Variants in ZNF780B observed in about 807,000 individuals in gnomAD.
ZNF780B encodes the protein zinc finger protein 780B.
A neutral mutation model predicts 74.1 loss-of-function variants in ZNF780B; 52 were observed. That is an observed-to-expected ratio of 0.70 (90% CI 0.56 to 0.88). The LOEUF (loss-of-function observed/expected upper bound fraction) is 0.88, where lower values mean the gene tolerates loss of function less well. Ranked by LOEUF, ZNF780B falls within the 40% of genes least tolerant of loss-of-function variation. ZNF780B has a pLI of 0.00. For synonymous variants in ZNF780B, 315 were observed against 324.3 expected, an observed-to-expected ratio of 0.97 and a Z score of 0.31; for missense variants, 953 against 1,007.6, an observed-to-expected ratio of 0.95 and a Z score of 0.73.
At position 40,050,378 on chromosome 19, in the gene ZNF780B, C is replaced by A. The variant is rs978515840; in HGVS notation, c.-45-1G>T. ...GGTCAATCTTCCTCGGGCTTCTCCC[C>A]TGGAAAACAACAACAACAAAAAGGC... On this transcript the variant is annotated splice_acceptor_variant, in intron 1 of 4. Transcript: ENST00000434248. LOFTEE classifies it low-confidence loss of function (5UTR_SPLICE). The A allele has an allele frequency of 6.3e-7, 1 of 1,581,238 alleles. No individual in the cohort carries two copies. Among genetic ancestry groups the A allele is most frequent in the Non-Finnish European group, 8.5e-7 (1 of 1,169,596 alleles).
chr19:40,051,576 A>G (rs1216798849), intron 1 of ZNF780B, among the ~76,000 whole-genome samples: 1 of 152,206 alleles, frequency 6.6e-6, no homozygotes, highest in African/African-American at 2.4e-5. Flanking sequence ...TCCGAATTCA[A>G]AAATAAAAAT....
chr19:40,038,286 T>A (rs1972452792), intron 4 of ZNF780B, among the ~76,000 whole-genome samples: 1 of 152,002 alleles, frequency 6.6e-6, no homozygotes, highest in African/African-American at 2.4e-5. Flanking sequence ...GGTGTATATG[T>A]GCCACATTTT....
chr19:40,054,870 A>G (rs1973413231), intron 1 of ZNF780B, among the ~76,000 whole-genome samples: 1 of 152,240 alleles, frequency 6.6e-6, no homozygotes, highest in Admixed American at 6.5e-5. Flanking sequence ...TCACACAAAT[A>G]GCCCAAAATG....
chr19:40,042,113 A>G (rs942115170), intron 4 of ZNF780B, among the ~76,000 whole-genome samples: 1 of 151,964 alleles, frequency 6.6e-6, no homozygotes, highest in African/African-American at 2.4e-5. Flanking sequence ...TGGTGACAAA[A>G]TCCCTCAACA....
At chr19:40,046,015 G>A (rs1260269762) in intron 4 of ZNF780B, among the ~76,000 whole-genome samples, 2 of 151,986 alleles carry the variant, frequency 1.3e-5, no homozygotes, top group African/African-American at 2.4e-5. Flanking sequence ...AATATCATAT[G>A]TTCTCATTCA....
chr19:40,043,750 T>C (rs1484558781), intron 4 of ZNF780B, among the ~76,000 whole-genome samples: 1 of 152,192 alleles, frequency 6.6e-6, no homozygotes, highest in Non-Finnish European at 1.5e-5. Flanking sequence ...TTTAAGCCCA[T>C]TGGAAAAGCA....
chr19:40,049,456 A>C (rs1443543065), intron 2 of ZNF780B, among the ~76,000 whole-genome samples: 1 of 152,152 alleles, frequency 6.6e-6, no homozygotes, highest in Non-Finnish European at 1.5e-5. Flanking sequence ...GGTTTTCCCA[A>C]ATTCAGAGAA....
At chr19:40,040,601 C>G (rs1272526176) in intron 4 of ZNF780B, among the ~76,000 whole-genome samples, 2 of 152,138 alleles carry the variant, frequency 1.3e-5, no homozygotes, top group Admixed American at 6.6e-5. Context: ...TGTTATTGGT[C>G]TATTCAGAGA....
intron 1 of ZNF780B, among the ~76,000 whole-genome samples, chr19:40,054,453 C>T (rs1973387151): frequency 6.6e-6 from 1 of 152,162 alleles, no homozygotes; most frequent in East Asian, 1.9e-4. Flanking sequence ...TAGATTTAGT[C>T]ATTCCACAAT....
At chr19:40,041,534 G>A (rs969890400) in intron 4 of ZNF780B, among the ~76,000 whole-genome samples, 4 of 152,074 alleles carry the variant, frequency 2.6e-5, no homozygotes, top group Non-Finnish European at 4.4e-5. Context: ...TTATTGTGTG[G>A]CAGTCTAAGT....
chr19:40,045,409 G>A lies in ZNF780B; in HGVS notation c.232+1966C>T, dbSNP rs76715962. ...GTACAATCACTATGGAAAACAGCAT[G>A]CAGATTTCTCAAAAACCTGAAAATA... On this transcript the variant is annotated intron_variant, in intron 4 of 4. Coordinates refer to ENST00000434248, the MANE Select transcript of ZNF780B (RefSeq NM_001005851.3). Among the ~76,000 whole-genome samples the A allele has an allele frequency of 7.8e-3, 1,191 of 152,308 alleles. 6 individuals are homozygous for A. The highest frequency in any genetic ancestry group is 0.012 in the Non-Finnish European group (792 of 68,012).
rs149290763 is a variant in ZNF780B at position 40,035,810 on chromosome 19, C to T, written c.1049G>A (p.Arg350Gln). The change falls in exon 5 of 5, where the codon CGA (arginine) becomes CAA (glutamine). Residue 350 changes from arginine (R) to glutamine (Q), a missense_variant. By Grantham distance (43) the Arg-to-Gln change is conservative. Transcript: ENST00000434248. Reference sequence around the variant, plus strand: ...CTCACCCATATGAATCTTCTGATGTCGAACAAGCTTTGTCAGAAGAGTAAA... The same window carrying T: ...CTCACCCATATGAATCTTCTGATGTTGAACAAGCTTTGTCAGAAGAGTAAA... ...KAFTLLTKLV[R>Q]HQKIHMGEKP... 567 of 1,614,036 alleles carry T rather than the reference C, an allele frequency of 3.5e-4. 12 individuals are homozygous for T. The East Asian group carries it at 0.012, about 34-fold the overall frequency.
At chr19:40,052,960 T>G (rs1973301052) in intron 1 of ZNF780B, among the ~76,000 whole-genome samples, 1 of 152,162 alleles carries the variant, frequency 6.6e-6, no homozygotes. Context: ...AAGATTTAAA[T>G]GTAAGATCCC....
At chr19:40,048,961 T>G in intron 2 of ZNF780B, 165 bp from the exon 3 acceptor site, 1 of 1,132,416 alleles carries the variant, frequency 8.8e-7, no homozygotes, top group Non-Finnish European at 1.2e-6. Context: ...TGGTGGCTCA[T>G]GCCTGTTATA....
chr19:40,047,420 CT>C lies in ZNF780B; in HGVS notation c.186del (p.Glu63SerfsTer6). The part of the protein sequence containing the change: ...PDVITLLEQE[K>X]EPWIVVSKET... The stretch of plus-strand genomic sequence containing the variant: ...TCTTTACTTACAACAATCCAGGGCT[CT>C]TTCTCTTGCTCTAGTAATGTAATCA... On this transcript the variant is annotated frameshift_variant, in exon 4 of 5. Coordinates refer to ENST00000434248, the MANE Select transcript of ZNF780B (RefSeq NM_001005851.3). LOFTEE classifies it high-confidence loss of function. 6.2e-7 allele frequency: 1 copy of C among 1,613,960 alleles called. No homozygotes were observed. The highest frequency in any genetic ancestry group is 8.5e-7 in the Non-Finnish European group (1 of 1,179,914).
rs1972274998 is a variant in ZNF780B at position 40,035,954 on chromosome 19, T to A, written c.905A>T (p.Glu302Val). ...LIQHQKIHSN[E>V]KPFVCRECEM... ...ACATTCCCTACATACAAAGGGTTTCTCATTGGAATGAATTTTTTGATGCTG... is the reference window on the plus strand; with the variant it reads ...ACATTCCCTACATACAAAGGGTTTCACATTGGAATGAATTTTTTGATGCTG... Residue 302 changes from glutamate (E) to valine (V), a missense_variant, in exon 5 of 5, where the codon GAG becomes GTG. By Grantham distance (121) the Glu-to-Val change is moderately radical. Transcript: ENST00000434248. The A allele has an allele frequency of 6.2e-7, 1 of 1,613,962 alleles. No homozygotes were observed. The highest frequency in any genetic ancestry group is 8.5e-7 in the Non-Finnish European group (1 of 1,180,018).
intron 1 of ZNF780B, among the ~76,000 whole-genome samples, chr19:40,055,036 C>A (rs1164040272): frequency 6.6e-6 from 1 of 152,228 alleles, no homozygotes; most frequent in Non-Finnish European, 1.5e-5. Context: ...ATCACCCAAC[C>A]ATCTCCATTC....
intron 4 of ZNF780B, among the ~76,000 whole-genome samples, chr19:40,045,367 TG>T (rs1433930904): frequency 6.6e-6 from 1 of 152,206 alleles, no homozygotes; most frequent in Non-Finnish European, 1.5e-5. Context: ...TATATACTGT[TG>T]GTGGGATATA....
intron 4 of ZNF780B, 79 bp from the exon 5 acceptor site, chr19:40,036,705 T>G: frequency 1.1e-6 from 1 of 889,858 alleles, no homozygotes; most frequent in Non-Finnish European, 1.7e-6. Flanking sequence ...ACAAATGGCC[T>G]AAGTATAAAA....
Sources: gnomAD v4.1 joint callset for allele counts (sites outside exome capture counted in the v4.1 genomes callset) on GRCh38, gnomAD v4.1.1 for gene constraint, MANE v1.5 for transcripts, NCBI Gene and HGNC (gene_info 2026-07-23, HGNC 2026-07-21) for gene names.